ZNF395: variants seen among roughly 807,000 people sequenced by gnomAD.
The protein encoded by ZNF395 is zinc finger protein 395.
In ZNF395, 20 loss-of-function variants were observed where a neutral mutation model predicts 57.7. That is an observed-to-expected ratio of 0.35 (90% CI 0.24 to 0.50). ZNF395 has a LOEUF of 0.50. Among genes scored for constraint, ZNF395 ranks in the 20% least tolerant of loss-of-function variants. ZNF395 has a pLI of 0.97. For synonymous variants in ZNF395, 295 were observed against 275.9 expected (o/e 1.07, Z -0.69); for missense variants, 606 against 671.2 (o/e 0.90, Z 1.07).
At position 28,371,860 on chromosome 8, in the gene ZNF395, C is replaced by T. The variant is rs117547694; in HGVS notation, c.-58-10678G>A. On this transcript the variant is annotated intron_variant, in intron 1 of 9. Coordinates refer to ENST00000344423, the MANE Select transcript of ZNF395 (RefSeq NM_018660.3). Reference sequence around the variant, plus strand: ...GGTGAGGAGTTCAAGACCAGCCTGACCAACATAGCAAAACCTCATCTCTAC... The same window carrying T: ...GGTGAGGAGTTCAAGACCAGCCTGATCAACATAGCAAAACCTCATCTCTAC... Among the ~76,000 whole-genome samples the T allele has an allele frequency of 1.0e-3, 155 of 152,188 alleles. 3 individuals are homozygous for T. In the East Asian group the frequency reaches 0.021, roughly 20 times the overall value.
intron 3 of ZNF395, among the ~76,000 whole-genome samples, chr8:28,357,063 C>T (rs760256058): frequency 3.3e-5 from 5 of 152,138 alleles, no homozygotes; most frequent in African/African-American, 9.7e-5. Flanking sequence ...CCCACTGTGA[C>T]GCCCTGAGAC....
chr8:28,381,192 C>A (rs2129998299), intron 1 of ZNF395, among the ~76,000 whole-genome samples: 1 of 152,322 alleles, frequency 6.6e-6, no homozygotes, highest in South Asian at 2.1e-4. Flanking sequence ...CAGGCGCCCA[C>A]CACCACGCCC....
At chr8:28,355,048 A>G (rs1801763546) in intron 4 of ZNF395, among the ~76,000 whole-genome samples, 1 of 152,206 alleles carries the variant, frequency 6.6e-6, no homozygotes, top group Non-Finnish European at 1.5e-5. Context: ...TCTATAAGTT[A>G]TAAGTTAATG....
chr8:28,382,232 A>G (rs2130000266), intron 1 of ZNF395, among the ~76,000 whole-genome samples: 1 of 152,264 alleles, frequency 6.6e-6, no homozygotes, highest in African/African-American at 2.4e-5. Context: ...CTGACTCTTT[A>G]AAAGAGCTGC....
chr8:28,360,770 A>C (rs1801837981), intron 2 of ZNF395, 115 bp downstream of exon 2: 12 of 1,443,466 alleles, frequency 8.3e-6, no homozygotes, highest in Non-Finnish European at 1.1e-5. Flanking sequence ...CTGGAGGGCA[A>C]AGGTCTGCAC....
At chr8:28,381,050 TG>T (rs1802103346) in intron 1 of ZNF395, among the ~76,000 whole-genome samples, 1 of 148,956 alleles carries the variant, frequency 6.7e-6, no homozygotes, top group Admixed American at 6.6e-5. Context: ...TGTGTGTGTG[TG>T]TGTGTGTTTT....
rs750489024 is a variant in ZNF395, at chr8:28,351,792, A to G, written c.936T>C (p.Ser312=). 17 of 1,560,450 alleles carry G rather than the reference A, an allele frequency of 1.1e-5. No homozygotes were observed. In the South Asian group the frequency reaches 1.3e-4, roughly 12 times the overall value. The change falls in exon 7 of 10, where the codon TCT becomes TCC. Residue 312 remains serine (S), a synonymous_variant. Coordinates refer to ENST00000344423, the MANE Select transcript of ZNF395 (RefSeq NM_018660.3). ...AATCCTCCTCCCGCTTGAACTGATC[A>G]GAGTCCACTGTGTCCCTGTGTGGGA... The part of the protein sequence containing the change: ...KALHLGDTVD[S]DQFKREEDFY...
At chr8:28,370,599 T>C (rs1043834214) in intron 1 of ZNF395, among the ~76,000 whole-genome samples, 1 of 152,186 alleles carries the variant, frequency 6.6e-6, no homozygotes, top group Non-Finnish European at 1.5e-5. Context: ...TGCTCACTGG[T>C]GAGGACGTTC....
intron 1 of ZNF395, among the ~76,000 whole-genome samples, chr8:28,376,543 C>T (rs996759666): frequency 4.6e-5 from 7 of 152,082 alleles, no homozygotes; most frequent in Admixed American, 1.3e-4. Flanking sequence ...AATGCTTGAA[C>T]CCATGAGGCA....
rs1801606484 is a variant in ZNF395 at position 28,346,708 on chromosome 8, G to A, written c.*2011C>T. 1 of 152,138 alleles carries A rather than the reference G, an allele frequency of 6.6e-6. No homozygotes were observed. Among genetic ancestry groups the A allele is most frequent in the African/African-American group, 2.4e-5 (1 of 41,406 alleles). 9.4% of individuals were successfully genotyped at this position (152,138 alleles called of 1,614,324 possible). ...AGACGGCAGTGAAAACTCTGAGGGAGAGGGGAAGGGGAGGCCCTCCTGAGC... is the reference window on the plus strand; with the variant it reads ...AGACGGCAGTGAAAACTCTGAGGGAAAGGGGAAGGGGAGGCCCTCCTGAGC... On this transcript the variant is annotated 3_prime_UTR_variant, in exon 10 of 10. Transcript: ENST00000344423.
rs781030810 is a variant in ZNF395, at chr8:28,348,682, GGCAGGGCCA to G, written c.*28_*36del. On this transcript the variant is annotated 3_prime_UTR_variant, in exon 10 of 10. Coordinates refer to ENST00000344423, the MANE Select transcript of ZNF395 (RefSeq NM_018660.3). ...CACTGGCCTCTTGTCAGTGGCTGCC[GGCAGGGCCA>G]GGAACAGAGTAGAACCTGCAGCACA... 1.3e-6 allele frequency: 2 copies of G among 1,586,588 alleles called. No individual in the cohort carries two copies. Among genetic ancestry groups the G allele is most frequent in the East Asian group, 4.5e-5 (2 of 44,744 alleles).
chr8:28,362,282 G>A (rs376803627), intron 1 of ZNF395, among the ~76,000 whole-genome samples: 1 of 152,124 alleles, frequency 6.6e-6, no homozygotes, highest in Non-Finnish European at 1.5e-5. Context: ...GCCTGACCCG[G>A]CTGGCAGAAG....
At position 28,356,836 on chromosome 8, in the gene ZNF395, C is replaced by T. The variant is rs1801786684; in HGVS notation, c.474-57G>A. On this transcript the variant is annotated intron_variant, in intron 3 of 9. Transcript: ENST00000344423. The surrounding 1 kb of genome is among the most constrained non-coding windows in gnomAD (Gnocchi z 4.0). Reference sequence around the variant, plus strand: ...CTTCCTGGCATGGCGGGCCCATGGTCCTTGCAAAACGAGACACCACTTCTG... The same window carrying T: ...CTTCCTGGCATGGCGGGCCCATGGTTCTTGCAAAACGAGACACCACTTCTG... The T allele has an allele frequency of 7.1e-7, 1 of 1,403,114 alleles. No homozygotes were observed. The highest frequency in any genetic ancestry group is 1.4e-5 in the African/African-American group (1 of 70,358). 86.9% of individuals were successfully genotyped at this position (1,403,114 alleles called of 1,614,324 possible). A position where few individuals can be genotyped will look rare whatever the true frequency, so the allele number is the denominator to read the frequency against.
At chr8:28,378,494 G>C (rs903168430) in intron 1 of ZNF395, among the ~76,000 whole-genome samples, 1 of 152,164 alleles carries the variant, frequency 6.6e-6, no homozygotes, top group Non-Finnish European at 1.5e-5. Context: ...ACCCACCTCA[G>C]TCTCTCAAAG....
chr8:28,353,168 C>T lies in ZNF395; in HGVS notation c.819+5G>A, dbSNP rs746407530. On this transcript the variant is annotated splice_donor_5th_base_variant and intron_variant, in intron 5 of 9. Transcript: ENST00000344423. ...TGGGCTCCCACTCACACCACAATCA[C>T]GTACCTTTCTTTTTCGTGGAGCTGG... The T allele has an allele frequency of 1.3e-5, 21 of 1,613,348 alleles. No homozygotes were observed. Among genetic ancestry groups the T allele is most frequent in the Admixed American group, 1.2e-4 (7 of 60,002 alleles).
intron 1 of ZNF395, chr8:28,386,158 G>C (rs1802177783): frequency 6.7e-6 from 1 of 148,356 alleles, no homozygotes; most frequent in Non-Finnish European, 1.5e-5. Flanking sequence ...GCCCGCCGAG[G>C]CTCGGTTGGC....
chr8:28,361,038 C>A lies in ZNF395; in HGVS notation c.87G>T (p.Ser29=). ...GCAGTGGCTCCGAGGGTGGGGCAGC[C>A]GAGGGCCCCTCCGAGGCACTGGGTC... The part of the protein sequence containing the change: ...VLGPSASEGP[S]AAPPSEPLLE... The change falls in exon 2 of 10, where the codon TCG becomes TCT. Residue 29 remains serine, a synonymous_variant. Transcript: ENST00000344423. 1.2e-6 allele frequency: 2 copies of A among 1,609,562 alleles called. No homozygotes were observed. The highest frequency in any genetic ancestry group is 8.5e-7 in the Non-Finnish European group (1 of 1,178,546).
At chr8:28,363,156 G>T (rs567537707) in intron 1 of ZNF395, among the ~76,000 whole-genome samples, 190 of 151,144 alleles carry the variant, frequency 1.3e-3, no homozygotes, top group African/African-American at 4.1e-3. Flanking sequence ...TTTTAAGATG[G>T]AGTCTCACTT....
At chr8:28,376,164 G>A (rs1209256912) in intron 1 of ZNF395, among the ~76,000 whole-genome samples, 1 of 151,810 alleles carries the variant, frequency 6.6e-6, no homozygotes, top group African/African-American at 2.4e-5. Context: ...TTATAGAGAT[G>A]GGGTTTCACC....
Sources: allele counts gnomAD v4.1 joint callset (sites outside exome capture counted in the v4.1 genomes callset), GRCh38; gene constraint gnomAD v4.1.1; non-coding constraint Gnocchi (gnomAD v3.1); transcripts MANE v1.5; gene names NCBI Gene and HGNC (gene_info 2026-07-23, HGNC 2026-07-21).